The following RAB20 variants were observed in gnomAD, a reference collection of about 807,000 sequenced individuals.
RAB20 encodes ras-related protein Rab-20.
RAB20 carries 2 observed loss-of-function variants against 3.7 expected under a neutral mutation model. That is an observed-to-expected ratio of 0.54 (90% CI 0.22 to 1.69). The LOEUF (loss-of-function observed/expected upper bound fraction) is 1.69, where lower values mean the gene tolerates loss of function less well. RAB20 is among the 40% of genes most tolerant of loss of function. The probability of loss-of-function intolerance (pLI) is 0.19; values close to 1 mark genes in which losing one functional copy is unlikely to be tolerated. For missense variants in RAB20, 276 were observed against 311.9 expected, an observed-to-expected ratio of 0.88 and a Z score of 0.87; for synonymous variants, 126 against 130.8, an observed-to-expected ratio of 0.96 and a Z score of 0.25.
chr13:110,561,687 G>A lies in RAB20; in HGVS notation c.-168C>T. On this transcript the variant is annotated 5_prime_UTR_variant, in exon 1 of 2. Coordinates refer to ENST00000267328, the MANE Select transcript of RAB20 (RefSeq NM_017817.3). Reference sequence around the variant, plus strand: ...CGCCCGGGAGCTCAAGAGAGGAAGCGCGTGTGCGCGCCCGGGAAGGAGCTG... The same window carrying A: ...CGCCCGGGAGCTCAAGAGAGGAAGCACGTGTGCGCGCCCGGGAAGGAGCTG... 8.4e-7 allele frequency: 1 copy of A among 1,195,952 alleles called. No homozygotes were observed. The highest frequency in any genetic ancestry group is 2.3e-5 in the South Asian group (1 of 43,932). 74.1% of individuals were successfully genotyped at this position (1,195,952 alleles called of 1,614,324 possible).
At chr13:110,538,368 G>A (rs770493550) in intron 1 of RAB20, among the ~76,000 whole-genome samples, 3 of 151,870 alleles carry the variant, frequency 2.0e-5, no homozygotes, top group Non-Finnish European at 2.9e-5. Flanking sequence ...TACTTTGGGA[G>A]GCAGAGGAGG....
chr13:110,558,785 G>A (rs1885084358), intron 1 of RAB20, among the ~76,000 whole-genome samples: 1 of 140,880 alleles, frequency 7.1e-6, no homozygotes, highest in Admixed American at 7.7e-5. Flanking sequence ...TGCAACCTCT[G>A]CCTCCTGGTT....
intron 1 of RAB20, 67 bp downstream of exon 1, chr13:110,561,281 G>C (rs1885124688): frequency 5.4e-6 from 8 of 1,471,546 alleles, no homozygotes; most frequent in African/African-American, 2.9e-5. Context: ...TGCCCTGCTG[G>C]AAGCCCCGCG....
chr13:110,557,875 G>A (rs1306340657), intron 1 of RAB20, among the ~76,000 whole-genome samples: 1 of 152,274 alleles, frequency 6.6e-6, no homozygotes, highest in Non-Finnish European at 1.5e-5. Flanking sequence ...TGTCTCCAGG[G>A]CTCTGGGGAC....
intron 1 of RAB20, among the ~76,000 whole-genome samples, chr13:110,533,496 G>A (rs540966243): frequency 6.6e-6 from 1 of 151,332 alleles, no homozygotes; most frequent in South Asian, 2.1e-4. Context: ...CAGCCTGGGT[G>A]ACACAGTGAG....
At chr13:110,551,407 C>T (rs929972269) in intron 1 of RAB20, among the ~76,000 whole-genome samples, 2 of 152,208 alleles carry the variant, frequency 1.3e-5, no homozygotes, top group Admixed American at 1.3e-4. Flanking sequence ...ACAGGACGAA[C>T]TGCAAATCGT....
At position 110,523,473 on chromosome 13, in the gene RAB20, T is replaced by C; in HGVS notation, c.*192A>G. On this transcript the variant is annotated 3_prime_UTR_variant, in exon 2 of 2. Coordinates refer to ENST00000267328, the MANE Select transcript of RAB20 (RefSeq NM_017817.3). ...CCTGTTTCCCACCTCCCCACCCCTC[T>C]GACAGAGACTGAGGAGACCACACAC... The C allele has an allele frequency of 1.9e-6, 2 of 1,037,504 alleles. No individual in the cohort carries two copies. The highest frequency in any genetic ancestry group is 1.7e-5 in the South Asian group (1 of 57,388). 64.3% of individuals were successfully genotyped at this position (1,037,504 alleles called of 1,614,324 possible). A position where few individuals can be genotyped will look rare whatever the true frequency, so the allele number is the denominator to read the frequency against.
intron 1 of RAB20, among the ~76,000 whole-genome samples, chr13:110,546,361 T>C (rs1297875768): frequency 6.6e-6 from 1 of 152,204 alleles, no homozygotes; most frequent in African/African-American, 2.4e-5. Flanking sequence ...TTGATTCATC[T>C]AAAAAGAAAA....
At chr13:110,534,036 G>A (rs891250367) in intron 1 of RAB20, among the ~76,000 whole-genome samples, 1 of 152,178 alleles carries the variant, frequency 6.6e-6, no homozygotes, top group East Asian at 1.9e-4. Flanking sequence ...GTATCTGGTC[G>A]GGCCCCGGTG....
At chr13:110,527,924 CACACACACACACACACACAT>C (rs1368446878) in intron 1 of RAB20, among the ~76,000 whole-genome samples, 4 of 149,666 alleles carry the variant, frequency 2.7e-5, no homozygotes, top group Non-Finnish European at 4.4e-5. Flanking sequence ...CACACACACA[CACACACACACACACACACAT>C]ACACTTTAAT....
chr13:110,544,891 C>A (rs546723419), intron 1 of RAB20, among the ~76,000 whole-genome samples: 12 of 152,292 alleles, frequency 7.9e-5, no homozygotes, highest in African/African-American at 2.9e-4. Flanking sequence ...TGGGAGGGAC[C>A]CACAGGGAGG....
intron 1 of RAB20, among the ~76,000 whole-genome samples, chr13:110,549,946 AC>A (rs1884923973): frequency 6.6e-6 from 1 of 152,128 alleles, no homozygotes; most frequent in South Asian, 2.1e-4. Context: ...CTGGTCTTGA[AC>A]TTCTGCCCTC....
At chr13:110,545,672 C>T (rs145223998) in intron 1 of RAB20, among the ~76,000 whole-genome samples, 2 of 152,128 alleles carry the variant, frequency 1.3e-5, no homozygotes, top group East Asian at 3.9e-4. Flanking sequence ...CATGGGCCCC[C>T]AGAGCTTGGG....
chr13:110,537,759 C>T (rs1884673606), intron 1 of RAB20, among the ~76,000 whole-genome samples: 1 of 152,062 alleles, frequency 6.6e-6, no homozygotes, highest in African/African-American at 2.4e-5. Flanking sequence ...GGCATTGCCT[C>T]TTCAGCGGTT....
At chr13:110,550,627 C>T (rs1408217976) in intron 1 of RAB20, among the ~76,000 whole-genome samples, 2 of 152,110 alleles carry the variant, frequency 1.3e-5, no homozygotes, top group African/African-American at 2.4e-5. Flanking sequence ...ATGGCTGTGG[C>T]GCTGTGAGAG....
chr13:110,560,786 T>C (rs1885116230), intron 1 of RAB20, among the ~76,000 whole-genome samples: 1 of 151,864 alleles, frequency 6.6e-6, no homozygotes, highest in African/African-American at 2.4e-5. Context: ...CAAACCCATA[T>C]GACGTATCTG....
chr13:110,540,786 T>C (rs978703568), intron 1 of RAB20, among the ~76,000 whole-genome samples: 8 of 97,006 alleles, frequency 8.2e-5, no homozygotes, highest in African/African-American at 3.4e-4. Flanking sequence ...GTTATGTATA[T>C]TATACCACAA....
chr13:110,536,922 CT>C (rs1884653099), intron 1 of RAB20, among the ~76,000 whole-genome samples: 1 of 46,332 alleles, frequency 2.2e-5, no homozygotes, highest in South Asian at 9.1e-4. Context: ...AATGCTTTCC[CT>C]CCCCCCTCCC....
At chr13:110,559,772 T>C (rs1476905221) in intron 1 of RAB20, among the ~76,000 whole-genome samples, 2 of 152,206 alleles carry the variant, frequency 1.3e-5, no homozygotes, top group Admixed American at 1.3e-4. Context: ...CATCACGTCC[T>C]TGGTGCTGAA....
Sources: allele counts gnomAD v4.1 joint callset (sites outside exome capture counted in the v4.1 genomes callset), GRCh38; gene constraint gnomAD v4.1.1; transcripts MANE v1.5; gene names NCBI Gene and HGNC (gene_info 2026-07-23, HGNC 2026-07-21).